C11orf65: variants seen among roughly 807,000 people sequenced by gnomAD.
The protein encoded by C11orf65 is chromosome 11 open reading frame 65.
C11orf65 carries 38 observed loss-of-function variants against 35.3 expected under a neutral mutation model. That is an observed-to-expected ratio of 1.08 (90% CI 0.83 to 1.41). C11orf65 has a LOEUF of 1.41. C11orf65 is among the 40% of genes most tolerant of loss of function. The pLI is 0.00. For missense variants in C11orf65, 370 were observed against 367.1 expected, an observed-to-expected ratio of 1.01 and a Z score of -0.06; for synonymous variants, 105 against 114.4, an observed-to-expected ratio of 0.92 and a Z score of 0.53.
chr11:108,452,860 T>C (rs185541063), intron 2 of C11orf65, among the ~76,000 whole-genome samples: 95 of 152,040 alleles, frequency 6.2e-4, no homozygotes, highest in African/African-American at 2.2e-3. Flanking sequence ...GGGACATGGA[T>C]GAAGCTGGAA....
At chr11:108,359,863 AC>A in intron 2 of C11orf65, among the ~76,000 whole-genome samples, 1 of 152,284 alleles carries the variant, frequency 6.6e-6, no homozygotes, top group Non-Finnish European at 1.5e-5. Flanking sequence ...CAAAACTGAC[AC>A]CCTAACATCA....
intron 2 of C11orf65, chr11:108,335,776 C>T (rs2086769678): frequency 7.7e-7 from 1 of 1,297,478 alleles, no homozygotes; most frequent in Non-Finnish European, 1.1e-6. Flanking sequence ...CTTTGCTATT[C>T]TCAGATGACT....
chr11:108,382,581 A>G (rs142989236), downstream of C11orf65, among the ~76,000 whole-genome samples: 2,594 of 152,292 alleles, frequency 0.017, 36 homozygotes, highest in Middle Eastern at 0.031. Flanking sequence ...AAGAGGAAGA[A>G]AGAAAAAAGG....
At chr11:108,336,392 T>C (rs2086861073) in intron 2 of C11orf65, 1 of 158,402 alleles carries the variant, frequency 6.3e-6, no homozygotes, top group Non-Finnish European at 1.4e-5. Context: ...AATAAAGATT[T>C]ATTTTCTTTG....
In C11orf65 at chr11:108,431,854, C is replaced by T. The variant is rs749616271; in HGVS notation, c.82-16G>A. The T allele has an allele frequency of 6.0e-5, 84 of 1,405,728 alleles. No homozygotes were observed. The African/African-American group carries it at 1.1e-3, about 19-fold the overall frequency. 87.1% of individuals were successfully genotyped at this position (1,405,728 alleles called of 1,614,324 possible). A position where few individuals can be genotyped will look rare whatever the true frequency, so the allele number is the denominator to read the frequency against. On this transcript the variant is annotated splice_polypyrimidine_tract_variant and intron_variant, in intron 2 of 8. Coordinates refer to ENST00000393084, the MANE Select transcript of C11orf65 (RefSeq NM_152587.5). ...TAGCGACATTCTAAAGGTTCAAACACAAGATTTCATGATCAAAACTGGATT... is the reference window on the plus strand; with the variant it reads ...TAGCGACATTCTAAAGGTTCAAACATAAGATTTCATGATCAAAACTGGATT...
Position 108,396,394 on chromosome 11 carries a change from CTTAT to C in C11orf65, c.561-3020_561-3017del, listed in dbSNP as rs139950511. ...AGGTATGAGCCAGTGTGCCTGACCT[CTTAT>C]TTTTCTTTTTTCAACAGTGATATAT... On this transcript the variant is annotated intron_variant, in intron 6 of 8. Coordinates refer to ENST00000393084, the MANE Select transcript of C11orf65 (RefSeq NM_152587.5). Among the ~76,000 whole-genome samples the C allele has an allele frequency of 3.8e-3, 575 of 152,054 alleles. 4 individuals are homozygous for C. The highest frequency in any genetic ancestry group is 0.013 in the African/African-American group (540 of 41,518).
intron 2 of C11orf65, among the ~76,000 whole-genome samples, chr11:108,454,525 C>T (rs901493377): frequency 6.6e-6 from 1 of 151,958 alleles, no homozygotes; most frequent in Non-Finnish European, 1.5e-5. Context: ...CTTGAACTCC[C>T]GACCTCAGGT....
intron 2 of C11orf65, among the ~76,000 whole-genome samples, chr11:108,373,401 G>A (rs2091625160): frequency 6.6e-6 from 1 of 152,104 alleles, no homozygotes; most frequent in Non-Finnish European, 1.5e-5. Flanking sequence ...GAAAACCTTG[G>A]TTATCTCCAA....
chr11:108,357,335 G>C (rs1309717128), intron 2 of C11orf65, among the ~76,000 whole-genome samples: 13 of 152,222 alleles, frequency 8.5e-5, no homozygotes, highest in Admixed American at 7.9e-4. Context: ...AGCAGTCTGA[G>C]ATCAAACTGC....
intron 6 of C11orf65, among the ~76,000 whole-genome samples, chr11:108,324,041 A>G (rs1404163701): frequency 9.6e-6 from 1 of 104,452 alleles, no homozygotes; most frequent in Non-Finnish European, 1.9e-5. Flanking sequence ...AACCAACCGC[A>G]GATCAAAAAT....
At chr11:108,415,606 C>T (rs1461612083) in intron 3 of C11orf65, among the ~76,000 whole-genome samples, 2 of 152,082 alleles carry the variant, frequency 1.3e-5, no homozygotes, top group African/African-American at 4.8e-5. Flanking sequence ...TAAGGACAAA[C>T]TGATTATAAA....
intron 2 of C11orf65, among the ~76,000 whole-genome samples, chr11:108,371,538 G>A (rs1041761705): frequency 5.3e-5 from 8 of 152,028 alleles, no homozygotes; most frequent in African/African-American, 1.2e-4. Context: ...CTCAAGGTTC[G>A]TCTATGTTGT....
At chr11:108,378,288 G>T (rs1283945795), downstream of C11orf65, among the ~76,000 whole-genome samples, 2 of 147,362 alleles carry the variant, frequency 1.4e-5, no homozygotes, top group East Asian at 4.0e-4. Context: ...CAGAGATATA[G>T]ATCAATGGAA....
intron 3 of C11orf65, among the ~76,000 whole-genome samples, chr11:108,334,270 T>C (rs1356946931): frequency 6.6e-6 from 1 of 152,206 alleles, no homozygotes; most frequent in Non-Finnish European, 1.5e-5. Context: ...CCAAGATTAA[T>C]TTTTGACTTG....
At chr11:108,330,334 T>C, downstream of C11orf65, 2 of 1,614,218 alleles carry the variant, frequency 1.2e-6, no homozygotes, top group East Asian at 2.2e-5. Context: ...GCTTATTAAG[T>C]GGAGAAGAAC....
chr11:108,329,818 T>A (rs2086067195), downstream of C11orf65, among the ~76,000 whole-genome samples: 1 of 152,232 alleles, frequency 6.6e-6, no homozygotes, highest in African/African-American at 2.4e-5. Flanking sequence ...AGAATATAGA[T>A]ATTAGCTTTC....
In C11orf65 at chr11:108,326,095, A is replaced by G. The variant is rs863224579; in HGVS notation, c.641-17024T>C. The G allele has an allele frequency of 2.5e-6, 4 of 1,614,146 alleles. No individual in the cohort carries two copies. Among genetic ancestry groups the G allele is most frequent in the East Asian group, 2.2e-5 (1 of 44,878 alleles). On this transcript the variant is annotated intron_variant, in intron 6 of 6. Coordinates refer to the C11orf65 transcript ENST00000525729. ...GCAATATTTCAAATTAAACAGTACA[A>G]TTCAGTTAGCTGTGGAGTCTCTGAG... is the stretch of plus-strand genomic sequence containing the variant.
At chr11:108,448,367 T>G (rs948941235) in intron 2 of C11orf65, among the ~76,000 whole-genome samples, 1 of 152,180 alleles carries the variant, frequency 6.6e-6, no homozygotes, top group African/African-American at 2.4e-5. Flanking sequence ...TTGATGAACA[T>G]TGATGCAAAA....
Position 108,450,110 on chromosome 11 carries a change from G to A in C11orf65, c.81+11369C>T, listed in dbSNP as rs562579395. Among the ~76,000 whole-genome samples, 545 of 151,992 alleles carry A rather than the reference G, an allele frequency of 3.6e-3. 9 individuals carry two copies. The highest frequency in any genetic ancestry group is 0.012 in the African/African-American group (511 of 41,340). The stretch of plus-strand genomic sequence containing the variant: ...ACCATCTCATACCAGTTAGAATGGC[G>A]ATCATTAAAAAGTCAGGAAACAACA... On this transcript the variant is annotated intron_variant, in intron 2 of 8. Coordinates refer to ENST00000393084, the MANE Select transcript of C11orf65 (RefSeq NM_152587.5).
Sources: gnomAD v4.1 joint callset for allele counts (sites outside exome capture counted in the v4.1 genomes callset) on GRCh38, gnomAD v4.1.1 for gene constraint, MANE v1.5 for transcripts, NCBI Gene and HGNC (gene_info 2026-07-23, HGNC 2026-07-21) for gene names.